IFTAP: variants seen among roughly 807,000 people sequenced by gnomAD.
IFTAP encodes the protein intraflagellar transport associated protein.
Under a neutral mutation model 19.4 loss-of-function variants are expected in IFTAP, and 19 were observed. The ratio of observed to expected loss-of-function variants is 0.98; its 90% CI spans 0.68 to 1.44. The LOEUF is 1.44. Among genes scored for constraint, IFTAP ranks in the 40% most tolerant of loss-of-function variants. The pLI is 0.00. For missense variants in IFTAP, 240 were observed against 253.6 expected (o/e 0.95, Z 0.36); for synonymous variants, 85 against 83.5 (o/e 1.02, Z -0.10).
At chr11:36,651,490 C>T (rs1366223482) in intron 5 of IFTAP, among the ~76,000 whole-genome samples, 1 of 152,070 alleles carries the variant, frequency 6.6e-6, no homozygotes, top group Non-Finnish European at 1.5e-5. Flanking sequence ...AATTTTCTCC[C>T]ATTCTGTAGG....
intron 2 of IFTAP, among the ~76,000 whole-genome samples, chr11:36,627,739 C>T (rs1441220136): frequency 6.6e-6 from 1 of 151,030 alleles, no homozygotes; most frequent in Non-Finnish European, 1.5e-5. Context: ...AAGGTAAGCT[C>T]ATTTTATGGG....
At chr11:36,644,515 T>G (rs746650207) in intron 4 of IFTAP, among the ~76,000 whole-genome samples, 2 of 152,066 alleles carry the variant, frequency 1.3e-5, no homozygotes, top group African/African-American at 4.8e-5. Context: ...ACCCAAAGGA[T>G]TATAAATCGT....
At chr11:36,612,812 TA>T (rs1482982999) in intron 2 of IFTAP, among the ~76,000 whole-genome samples, 1 of 152,104 alleles carries the variant, frequency 6.6e-6, no homozygotes, top group Non-Finnish European at 1.5e-5. Flanking sequence ...GTAATCCTAT[TA>T]AAAATATTTC....
intron 5 of IFTAP, among the ~76,000 whole-genome samples, chr11:36,653,288 C>T (rs1255926924): frequency 6.6e-6 from 1 of 152,052 alleles, no homozygotes; most frequent in Non-Finnish European, 1.5e-5. Flanking sequence ...TAAGGGGACT[C>T]AAAGTTTTCC....
chr11:36,631,422 A>G (rs1852720516), intron 2 of IFTAP, among the ~76,000 whole-genome samples: 1 of 151,316 alleles, frequency 6.6e-6, no homozygotes, highest in Non-Finnish European at 1.5e-5. Context: ...TCTGTTTCCC[A>G]TCAGTATATC....
At chr11:36,647,987 G>A in intron 4 of IFTAP, 29 bp from the exon 5 acceptor site, 1 of 1,602,434 alleles carries the variant, frequency 6.2e-7, no homozygotes. Flanking sequence ...TTTGCGAAAG[G>A]CTCAGTTGAA....
chr11:36,627,533 A>G (rs1022916634), intron 2 of IFTAP, among the ~76,000 whole-genome samples: 1 of 151,268 alleles, frequency 6.6e-6, no homozygotes, highest in Non-Finnish European at 1.5e-5. Context: ...TAGACTTGTA[A>G]GTTTAACGTA....
At chr11:36,631,120 C>A (rs543351039) in intron 2 of IFTAP, among the ~76,000 whole-genome samples, 2 of 151,426 alleles carry the variant, frequency 1.3e-5, no homozygotes, top group Non-Finnish European at 2.9e-5. Flanking sequence ...TTCTTAGCAA[C>A]CCTCCTCACA....
At position 36,659,132 on chromosome 11, in the gene IFTAP, C is replaced by A. The variant is rs904603832; in HGVS notation, c.612C>A (p.Cys204Ter). 5.0e-6 allele frequency: 8 copies of A among 1,607,668 alleles called. No homozygotes were observed. In the Admixed American group the frequency reaches 8.5e-5, roughly 17 times the overall value. The change falls in exon 6 of 6, where the codon TGC becomes TGA. Residue 204 changes from cysteine to a stop codon, truncating the protein, a stop_gained. Transcript: ENST00000334307. LOFTEE classifies it low-confidence loss of function (END_TRUNC). ...PAEIENIKEL[C>*]KQQKRKDTSP... ...AGATAGAGAACATCAAAGAGCTATGCAAGCAGCAGAAGAGAAAGGACACCA... is the reference window on the plus strand; with the variant it reads ...AGATAGAGAACATCAAAGAGCTATGAAAGCAGCAGAAGAGAAAGGACACCA...
chr11:36,611,400 C>A (rs1851870928), intron 2 of IFTAP, among the ~76,000 whole-genome samples: 1 of 151,906 alleles, frequency 6.6e-6, no homozygotes, highest in African/African-American at 2.4e-5. Context: ...ATTAAAAAAA[C>A]CTCCTCTGGT....
intron 3 of IFTAP, among the ~76,000 whole-genome samples, chr11:36,633,666 A>G (rs1289709524): frequency 1.3e-5 from 2 of 152,104 alleles, no homozygotes; most frequent in African/African-American, 4.8e-5. Context: ...TTTTTGTTCA[A>G]AAGTTCTTAA....
chr11:36,653,453 G>A (rs189909038), intron 5 of IFTAP, among the ~76,000 whole-genome samples: 2 of 152,248 alleles, frequency 1.3e-5, no homozygotes, highest in East Asian at 3.9e-4. Flanking sequence ...AGCAGCAGGG[G>A]ACTTGGTGTT....
intron 4 of IFTAP, among the ~76,000 whole-genome samples, chr11:36,644,598 C>G (rs538482045): frequency 1.6e-4 from 25 of 152,106 alleles, no homozygotes; most frequent in South Asian, 1.5e-3. Flanking sequence ...TGGAACCAAC[C>G]CAAATGTCCA....
chr11:36,617,164 A>G (rs1258345264), intron 2 of IFTAP, among the ~76,000 whole-genome samples: 2 of 149,534 alleles, frequency 1.3e-5, no homozygotes, highest in Non-Finnish European at 3.0e-5. Flanking sequence ...ATATCATTAA[A>G]AATGATATTA....
intron 4 of IFTAP, among the ~76,000 whole-genome samples, chr11:36,638,839 T>C (rs903011025): frequency 2.0e-5 from 3 of 152,214 alleles, no homozygotes; most frequent in Admixed American, 6.5e-5. Context: ...CTCATAAATA[T>C]TCTCTAAGAT....
intron 1 of IFTAP, chr11:36,595,348 A>G (rs1173613290): frequency 6.6e-6 from 1 of 152,208 alleles, no homozygotes; most frequent in Non-Finnish European, 1.5e-5. Context: ...CAAAAAGAAT[A>G]TTTACTAGAT....
At chr11:36,625,788 A>C (rs931937035) in intron 2 of IFTAP, among the ~76,000 whole-genome samples, 11 of 152,188 alleles carry the variant, frequency 7.2e-5, no homozygotes, top group Non-Finnish European at 1.5e-4. Flanking sequence ...ATAGGGAATC[A>C]TGAGTGCTGG....
rs554767009 is a variant in IFTAP at position 36,604,916 on chromosome 11, A to C, written c.-23-5165A>C. ...TTTCTTTCTTCTTGATATTATCTGA[A>C]AGACAAAAAAATTAGAGGATGCAAA... is the stretch of plus-strand genomic sequence containing the variant. On this transcript the variant is annotated intron_variant, in intron 1 of 5. Coordinates refer to ENST00000334307, the MANE Select transcript of IFTAP (RefSeq NM_138787.4). Among the ~76,000 whole-genome samples, 471 of 151,794 alleles carry C rather than the reference A, an allele frequency of 3.1e-3. 2 individuals carry two copies. Among genetic ancestry groups the C allele is most frequent in the African/African-American group, 0.011 (460 of 41,348 alleles).
intron 1 of IFTAP, among the ~76,000 whole-genome samples, chr11:36,607,399 G>A (rs1851731688): frequency 6.6e-6 from 1 of 152,138 alleles, no homozygotes. Flanking sequence ...GTTTAGAAAG[G>A]TAATCAGTGC....
Sources: allele counts gnomAD v4.1 joint callset (sites outside exome capture counted in the v4.1 genomes callset), GRCh38; gene constraint gnomAD v4.1.1; transcripts MANE v1.5; gene names NCBI Gene and HGNC (gene_info 2026-07-23, HGNC 2026-07-21).